The following FAT3 variants were observed in gnomAD, a reference collection of about 807,000 sequenced individuals.
The protein encoded by FAT3 is protocadherin Fat 3.
In FAT3, 95 loss-of-function variants were observed where a neutral mutation model predicts 310.2. That is an observed-to-expected ratio of 0.31 (90% confidence interval 0.26 to 0.36). The LOEUF (loss-of-function observed/expected upper bound fraction) is 0.36. Ranked by LOEUF, FAT3 falls within the 10% of genes least tolerant of loss-of-function variation. FAT3 has a pLI of 1.00. For synonymous variants in FAT3, 2,314 were observed against 2,192.9 expected, an observed-to-expected ratio of 1.06 and a Z score of -1.54; for missense variants, 5,408 against 5,715.6, an observed-to-expected ratio of 0.95 and a Z score of 1.74.
chr11:92,593,956 C>T (rs143204166), intron 3 of FAT3, among the ~76,000 whole-genome samples: 264 of 152,292 alleles, frequency 1.7e-3, no homozygotes, highest in Non-Finnish European at 1.3e-3. Context: ...CTACTCTACA[C>T]TGCACACATG....
intron 2 of FAT3, among the ~76,000 whole-genome samples, chr11:92,460,727 C>G (rs1476667668): frequency 6.6e-6 from 1 of 152,202 alleles, no homozygotes; most frequent in East Asian, 1.9e-4. Flanking sequence ...CAGAAACATA[C>G]TCACATGCAC....
intron 20 of FAT3, among the ~76,000 whole-genome samples, chr11:92,858,351 G>A (rs530553787): frequency 2.6e-5 from 4 of 152,260 alleles, no homozygotes; most frequent in East Asian, 3.9e-4. Context: ...CAGGTGGATG[G>A]GTAGGGGGAT....
rs1954021235 is a variant in FAT3, at chr11:92,530,246, A to G, written c.3607+5298A>G. On this transcript the variant is annotated intron_variant, in intron 3 of 27. Coordinates refer to ENST00000525166, the MANE Select transcript of FAT3 (RefSeq NM_001367949.2). The stretch of plus-strand genomic sequence containing the variant: ...TATTACCTGGTGAGCTTGCTAGACT[A>G]TAGAGTCTTAGGCCAGAGCTTGATT... Among the ~76,000 whole-genome samples the G allele has an allele frequency of 3.3e-5, 5 of 152,126 alleles. No individual in the cohort carries two copies. The South Asian group carries it at 1.0e-3, about 32-fold the overall frequency.
intron 1 of FAT3, among the ~76,000 whole-genome samples, chr11:92,318,322 T>G (rs1243511749): frequency 1.3e-5 from 2 of 152,156 alleles, no homozygotes; most frequent in African/African-American, 4.8e-5. Context: ...CATTTGTGCC[T>G]CCAATTTCTT....
chr11:92,663,706 T>C (rs895251481), intron 3 of FAT3, among the ~76,000 whole-genome samples: 1 of 152,178 alleles, frequency 6.6e-6, no homozygotes, highest in Non-Finnish European at 1.5e-5. Context: ...TCATATCTGA[T>C]AGATCCAAAT....
chr11:92,672,047 A>G (rs1409784527), intron 3 of FAT3, among the ~76,000 whole-genome samples: 1 of 152,180 alleles, frequency 6.6e-6, no homozygotes, highest in Non-Finnish European at 1.5e-5. Context: ...TGAACCTGGG[A>G]GGCGGAGGTT....
At chr11:92,783,975 T>G (rs993329567) in intron 7 of FAT3, among the ~76,000 whole-genome samples, 12 of 152,200 alleles carry the variant, frequency 7.9e-5, no homozygotes, top group African/African-American at 2.9e-4. Context: ...AGGATTTCTC[T>G]ATAGCAAAGT....
chr11:92,752,446 G>T (rs1312861809), intron 4 of FAT3, among the ~76,000 whole-genome samples: 3 of 152,180 alleles, frequency 2.0e-5, no homozygotes, highest in Non-Finnish European at 2.9e-5. Flanking sequence ...TGAGATTGTT[G>T]TAACAAAGGA....
intron 2 of FAT3, among the ~76,000 whole-genome samples, chr11:92,501,856 T>C (rs1353939845): frequency 6.6e-6 from 1 of 151,926 alleles, no homozygotes; most frequent in East Asian, 1.9e-4. Context: ...TAATAATCAT[T>C]CAGTCCAAAT....
At chr11:92,253,851 A>G (rs1865218875) in intron 1 of FAT3, among the ~76,000 whole-genome samples, 1 of 152,144 alleles carries the variant, frequency 6.6e-6, no homozygotes, top group Non-Finnish European at 1.5e-5. Flanking sequence ...CCGGGATGAA[A>G]GCAGATTCAG....
At chr11:92,452,784 A>G (rs538673469) in intron 2 of FAT3, among the ~76,000 whole-genome samples, 1 of 152,070 alleles carries the variant, frequency 6.6e-6, no homozygotes, top group African/African-American at 2.4e-5. Flanking sequence ...ATTTTTTGAG[A>G]CAGTGTCTTG....
At chr11:92,615,453 G>A (rs1268564854) in intron 3 of FAT3, among the ~76,000 whole-genome samples, 1 of 152,002 alleles carries the variant, frequency 6.6e-6, no homozygotes, top group Admixed American at 6.5e-5. Flanking sequence ...CACCATGTTG[G>A]CCAGGCTGGT....
chr11:92,678,127 C>T (rs1180092283), intron 3 of FAT3, among the ~76,000 whole-genome samples: 4 of 152,072 alleles, frequency 2.6e-5, no homozygotes, highest in African/African-American at 9.7e-5. Context: ...TGTCTGGTTG[C>T]AAGAGGGAAA....
Position 92,478,934 on chromosome 11 carries a change from CTCTTTCTTTCTT to C in FAT3, c.3293-45690_3293-45679del, listed in dbSNP as rs199741658. ...CCTGGCTGGCTTTCTTTCTTTCCTT[CTCTTTCTTTCTT>C]TCTTTCTTTTCTTTTCTTTTCTTTT... On this transcript the variant is annotated intron_variant, in intron 2 of 27. Transcript: ENST00000525166. 8.7e-3 allele frequency among the ~76,000 whole-genome samples: 1,001 copies of C among 114,510 alleles called. 30 individuals are homozygous for C. Among genetic ancestry groups the C allele is most frequent in the East Asian group, 0.06 (185 of 3,098 alleles). 75.1% of individuals were successfully genotyped at this position (114,510 alleles called of 152,430 possible).
intron 3 of FAT3, among the ~76,000 whole-genome samples, chr11:92,645,609 G>T (rs1942127783): frequency 6.6e-6 from 1 of 151,876 alleles, no homozygotes; most frequent in African/African-American, 2.4e-5. Context: ...TCTACTAAAT[G>T]CTTGGATTCA....
chr11:92,389,289 T>A (rs1949696805), intron 2 of FAT3, among the ~76,000 whole-genome samples: 1 of 150,382 alleles, frequency 6.6e-6, no homozygotes, highest in Non-Finnish European at 1.5e-5. Context: ...AACTAGGAAG[T>A]CTAAGACCAG....
intron 13 of FAT3, among the ~76,000 whole-genome samples, chr11:92,825,578 C>T (rs756806520): frequency 5.3e-5 from 8 of 151,920 alleles, no homozygotes; most frequent in Admixed American, 1.3e-4. Flanking sequence ...GGGGGGCCTT[C>T]AGGCAGCACT....
At chr11:92,276,789 C>T (rs1277470079) in intron 1 of FAT3, among the ~76,000 whole-genome samples, 1 of 152,142 alleles carries the variant, frequency 6.6e-6, no homozygotes, top group Non-Finnish European at 1.5e-5. Flanking sequence ...TTGGCATATG[C>T]CGTTGAGTTT....
intron 1 of FAT3, among the ~76,000 whole-genome samples, chr11:92,335,786 G>A (rs1024497739): frequency 6.6e-6 from 1 of 152,116 alleles, no homozygotes; most frequent in Non-Finnish European, 1.5e-5. Flanking sequence ...GTTATAAAAG[G>A]AAATTGAAAA....
Sources: gnomAD v4.1 joint callset for allele counts (sites outside exome capture counted in the v4.1 genomes callset) on GRCh38, gnomAD v4.1.1 for gene constraint, MANE v1.5 for transcripts, NCBI Gene and HGNC (gene_info 2026-07-23, HGNC 2026-07-21) for gene names.